Variants in SORBS3 observed in about 807,000 individuals in gnomAD.
The protein encoded by SORBS3 is vinexin.
Under a neutral mutation model 98.0 loss-of-function variants are expected in SORBS3, and 69 were observed. The ratio of observed to expected loss-of-function variants is 0.70; its 90% CI spans 0.58 to 0.86. The LOEUF is 0.86. Ranked by LOEUF, SORBS3 falls within the 40% of genes least tolerant of loss-of-function variation. SORBS3 has a pLI of 0.00. For synonymous variants in SORBS3, 394 were observed against 355.4 expected (o/e 1.11, Z -1.22); for missense variants, 954 against 908.5 (o/e 1.05, Z -0.64).
intron 16 of SORBS3, among the ~76,000 whole-genome samples, chr8:22,568,219 A>T (rs958743177): frequency 1.3e-5 from 2 of 151,662 alleles, no homozygotes; most frequent in African/African-American, 4.8e-5. Context: ...GAGCTTTATT[A>T]ATTTACTTGA....
At chr8:22,564,545 A>G in intron 10 of SORBS3, 24 bp downstream of exon 10, 1 of 1,613,024 alleles carries the variant, frequency 6.2e-7, no homozygotes, top group Non-Finnish European at 8.5e-7. Flanking sequence ...GGTGCTGGGG[A>G]CAGCAGCCTG....
At chr8:22,547,064 C>T (rs573134570), upstream of SORBS3, among the ~76,000 whole-genome samples, 8 of 152,298 alleles carry the variant, frequency 5.3e-5, no homozygotes, top group East Asian at 5.8e-4. Context: ...GGCCAGAAAA[C>T]GGGCCCAGGT....
At chr8:22,553,855 C>G (rs1840132509) in intron 1 of SORBS3, among the ~76,000 whole-genome samples, 1 of 151,938 alleles carries the variant, frequency 6.6e-6, no homozygotes, top group Non-Finnish European at 1.5e-5. Flanking sequence ...AAGAAGGGCC[C>G]GATGCTCCCT....
chr8:22,570,807 C>G, intron 17 of SORBS3, 103 bp from the exon 18 acceptor site: 1 of 1,033,854 alleles, frequency 9.7e-7, no homozygotes, highest in Non-Finnish European at 1.4e-6. Context: ...TCCGACCCCT[C>G]GTGTGTCCAA....
chr8:22,567,129 G>A lies in SORBS3; in HGVS notation c.1259G>A (p.Gly420Glu). ...GAGGTGGACAAGAACTGGCTGGAGG[G>A]AGAGCACCACGGCCGCCTGGGCATC... Reference protein sequence around the residue: ...HKEVDKNWLEGEHHGRLGIFP... With the variant: ...HKEVDKNWLEEEHHGRLGIFP... The change falls in exon 16 of 21, where the codon GGA becomes GAA. Residue 420 changes from glycine (G) to glutamate (E), a missense_variant. Coordinates refer to ENST00000240123, the MANE Select transcript of SORBS3 (RefSeq NM_005775.5). 1.2e-6 allele frequency: 2 copies of A among 1,613,340 alleles called. No homozygotes were observed. Among genetic ancestry groups the A allele is most frequent in the Non-Finnish European group, 1.7e-6 (2 of 1,179,640 alleles).
At chr8:22,553,387 G>T (rs1840123327) in intron 1 of SORBS3, among the ~76,000 whole-genome samples, 1 of 152,228 alleles carries the variant, frequency 6.6e-6, no homozygotes, top group African/African-American at 2.4e-5. Flanking sequence ...GGCAGAGCTT[G>T]GCTGTTTCTG....
chr8:22,571,398 G>A (rs192443055), intron 18 of SORBS3, among the ~76,000 whole-genome samples, 177 bp downstream of exon 18: 73 of 152,160 alleles, frequency 4.8e-4, no homozygotes, highest in Admixed American at 4.8e-3. Context: ...TCAACCTACC[G>A]AGCTCTAGCC....
intron 6 of SORBS3, 92 bp from the exon 7 acceptor site, chr8:22,561,773 G>C: frequency 2.5e-6 from 3 of 1,197,408 alleles, no homozygotes. Flanking sequence ...GGGTGGTGCT[G>C]AAACTCTAAA....
At chr8:22,546,375 G>C (rs1413219180) in intron 1 of SORBS3, among the ~76,000 whole-genome samples, 2 of 152,136 alleles carry the variant, frequency 1.3e-5, no homozygotes, top group African/African-American at 4.8e-5. Context: ...TTGATGTCTG[G>C]TCTGGTCTCT....
At position 22,566,875 on chromosome 8, in the gene SORBS3, GC is replaced by G; in HGVS notation, c.1190+10del. 1 of 1,607,602 alleles carries G rather than the reference GC, an allele frequency of 6.2e-7. No homozygotes were observed. Among genetic ancestry groups the G allele is most frequent in the African/African-American group, 1.3e-5 (1 of 74,790 alleles). On this transcript the variant is annotated splice_region_variant and intron_variant, in intron 15 of 20. Coordinates refer to ENST00000240123, the MANE Select transcript of SORBS3 (RefSeq NM_005775.5). Reference sequence around the variant, plus strand: ...TCCAGGCGCAGTCCCCCAAGTAAGCGCCCTCCTCCCCCTCCCCTTCCACCCA... The same window carrying G: ...TCCAGGCGCAGTCCCCCAAGTAAGCGCCTCCTCCCCCTCCCCTTCCACCCA...
chr8:22,561,843 T>G, intron 6 of SORBS3, 22 bp from the exon 7 acceptor site: 1 of 1,611,686 alleles, frequency 6.2e-7, no homozygotes, highest in South Asian at 1.1e-5. Flanking sequence ...TTCAATGCTT[T>G]CCTCGTGTAC....
intron 4 of SORBS3, 152 bp from the exon 5 acceptor site, chr8:22,557,977 A>T (rs533976764): frequency 2.7e-6 from 2 of 733,200 alleles, no homozygotes; most frequent in Non-Finnish European, 5.0e-6. Context: ...AGCTATTGTT[A>T]TTAAAGAGAT....
In SORBS3 at chr8:22,552,037, G is replaced by A; in HGVS notation, c.-56+15G>A. ...CGCCGGGGAAGGTAGGTCCGGGCAA[G>A]GAGGGGCGGGGAGTAGGCGAGGCCG... On this transcript the variant is annotated intron_variant, in intron 1 of 20. Coordinates refer to ENST00000240123, the MANE Select transcript of SORBS3 (RefSeq NM_005775.5). 1 of 985,490 alleles carries A rather than the reference G, an allele frequency of 1.0e-6. No homozygotes were observed. Among genetic ancestry groups the A allele is most frequent in the South Asian group, 4.7e-5 (1 of 21,286 alleles). 61.0% of individuals were successfully genotyped at this position (985,490 alleles called of 1,614,324 possible). A position where few individuals can be genotyped will look rare whatever the true frequency, so the allele number is the denominator to read the frequency against.
chr8:22,558,372 G>A (rs777255733), intron 5 of SORBS3, among the ~76,000 whole-genome samples, 180 bp downstream of exon 5: 7 of 152,140 alleles, frequency 4.6e-5, no homozygotes, highest in Admixed American at 2.6e-4. Flanking sequence ...GGCCAGCAGC[G>A]GTCTCCAGAG....
At chr8:22,545,628 A>G (rs978601152) in intron 1 of SORBS3, among the ~76,000 whole-genome samples, 1 of 152,244 alleles carries the variant, frequency 6.6e-6, no homozygotes, top group South Asian at 2.1e-4. Context: ...CTATGCCCTC[A>G]TGGCAAGTCT....
At chr8:22,555,299 G>A (rs1310984612) in intron 3 of SORBS3, among the ~76,000 whole-genome samples, 1 of 152,180 alleles carries the variant, frequency 6.6e-6, no homozygotes, top group Non-Finnish European at 1.5e-5. Context: ...GGGTGGAGGT[G>A]ATGTGGGTAT....
intron 7 of SORBS3, among the ~76,000 whole-genome samples, chr8:22,563,735 T>G (rs1292380946): frequency 6.6e-6 from 1 of 152,206 alleles, no homozygotes; most frequent in African/African-American, 2.4e-5. Context: ...ATATTACAGG[T>G]TCTGAGCCTG....
Position 22,571,560 on chromosome 8 carries a change from G to A in SORBS3, c.1744-158G>A. The A allele has an allele frequency of 1.4e-5, 9 of 637,334 alleles. No homozygotes were observed. In the South Asian group the frequency reaches 1.6e-4, roughly 11 times the overall value. The allele number at this position is 637,334 out of a possible 1,614,324, so 39.5% of individuals were successfully genotyped here. A position where few individuals can be genotyped will look rare whatever the true frequency, so the allele number is the denominator to read the frequency against. On this transcript the variant is annotated intron_variant, in intron 18 of 20. Transcript: ENST00000240123. ...GTGAAATGAAATAGTCACAGCAGGT[G>A]TCCCTGTGCCCTGGGGGTTTGGAGG...
intron 13 of SORBS3, 84 bp downstream of exon 13, chr8:22,566,568 G>C: frequency 6.3e-7 from 1 of 1,581,578 alleles, no homozygotes; most frequent in Non-Finnish European, 8.6e-7. Context: ...AGGTCACAGA[G>C]CCCCTTGCTT....
Sources: gnomAD v4.1 joint callset for allele counts (sites outside exome capture counted in the v4.1 genomes callset) on GRCh38, gnomAD v4.1.1 for gene constraint, MANE v1.5 for transcripts, NCBI Gene and HGNC (gene_info 2026-07-23, HGNC 2026-07-21) for gene names.